Variants in GAS7 observed in about 807,000 individuals in gnomAD.
GAS7 encodes the protein growth arrest-specific protein 7.
A neutral mutation model predicts 71.1 loss-of-function variants in GAS7; 28 were observed. The ratio of observed to expected loss-of-function variants is 0.39; its 90% CI spans 0.29 to 0.54. The LOEUF (loss-of-function observed/expected upper bound fraction) is 0.54. GAS7 is among the 20% of genes least tolerant of loss of function. The pLI is 0.62. For missense variants in GAS7, 436 were observed against 627.8 expected, an observed-to-expected ratio of 0.69 and a Z score of 3.27; for synonymous variants, 258 against 245.8, an observed-to-expected ratio of 1.05 and a Z score of -0.46.
At chr17:10,047,824 C>A (rs1220409388) in intron 1 of GAS7, among the ~76,000 whole-genome samples, 3 of 151,960 alleles carry the variant, frequency 2.0e-5, no homozygotes, top group Non-Finnish European at 4.4e-5. Context: ...ACTTGCGGGG[C>A]TAACAGGAAA....
intron 1 of GAS7, among the ~76,000 whole-genome samples, chr17:10,068,591 TA>T (rs35892404): frequency 4.2e-3 from 597 of 140,766 alleles, no homozygotes; most frequent in Non-Finnish European, 3.7e-3. Context: ...CCCTGTCTCT[TA>T]AAAAAAAAAA....
intron 1 of GAS7, among the ~76,000 whole-genome samples, chr17:10,080,824 T>C (rs1833909878): frequency 6.6e-6 from 1 of 152,224 alleles, no homozygotes. Flanking sequence ...ACTTATTCCA[T>C]CAGATAGTAA....
In GAS7 at chr17:10,168,942, C is replaced by T. The variant is rs527727509; in HGVS notation, c.183+29266G>A. ...CCGAGATCACGCCACTGCACTCCAG[C>T]GTGGGCGACAGAGTGAGACTCCATC... On this transcript the variant is annotated intron_variant, in intron 1 of 13. Transcript: ENST00000432992. Among the ~76,000 whole-genome samples the T allele has an allele frequency of 3.2e-4, 46 of 142,082 alleles. No homozygotes were observed. The South Asian group carries it at 9.8e-3, about 30-fold the overall frequency. The allele number at this position is 142,082 out of a possible 152,430, so 93.2% of individuals were successfully genotyped here.
At chr17:10,105,053 C>T (rs1342729920) in intron 1 of GAS7, among the ~76,000 whole-genome samples, 1 of 152,216 alleles carries the variant, frequency 6.6e-6, no homozygotes, top group Non-Finnish European at 1.5e-5. Context: ...TCTGCTCTTC[C>T]CCTCCAGCCA....
intron 1 of GAS7, among the ~76,000 whole-genome samples, chr17:10,155,367 C>G (rs1309432079): frequency 5.9e-5 from 9 of 152,112 alleles, no homozygotes; most frequent in Non-Finnish European, 1.2e-4. Context: ...CAATTCCTCT[C>G]CCTCCACTTC....
intron 4 of GAS7, among the ~76,000 whole-genome samples, chr17:9,961,624 A>C (rs1173447113): frequency 6.6e-6 from 1 of 152,222 alleles, no homozygotes; most frequent in Admixed American, 6.5e-5. Context: ...GGGGAGAAGC[A>C]GTGCAAGAGC....
intron 1 of GAS7, among the ~76,000 whole-genome samples, chr17:10,093,228 CTTCT>C (rs1198041499): frequency 2.6e-5 from 4 of 152,148 alleles, no homozygotes; most frequent in Non-Finnish European, 5.9e-5. Context: ...GAAGCTGTTG[CTTCT>C]ATGAGTCCAT....
At chr17:10,173,370 CG>C (rs1189559565) in intron 1 of GAS7, among the ~76,000 whole-genome samples, 1 of 151,056 alleles carries the variant, frequency 6.6e-6, no homozygotes, top group Non-Finnish European at 1.5e-5. Flanking sequence ...GAAGGGGAGG[CG>C]GGGAAGAGGG....
intron 1 of GAS7, among the ~76,000 whole-genome samples, chr17:10,029,426 T>C (rs1445580278): frequency 6.6e-6 from 1 of 152,216 alleles, no homozygotes; most frequent in African/African-American, 2.4e-5. Flanking sequence ...GGATCCAGGC[T>C]GAACGCTGAA....
At chr17:10,154,280 C>T (rs1460056299) in intron 1 of GAS7, among the ~76,000 whole-genome samples, 1 of 152,142 alleles carries the variant, frequency 6.6e-6, no homozygotes, top group Non-Finnish European at 1.5e-5. Flanking sequence ...AGGAGGATCA[C>T]TTGAGCTCAG....
intron 1 of GAS7, among the ~76,000 whole-genome samples, chr17:10,095,551 G>C (rs1488925150): frequency 1.3e-5 from 2 of 152,212 alleles, no homozygotes; most frequent in East Asian, 1.9e-4. Flanking sequence ...CTTGGCCGCA[G>C]TGGCTCATGC....
At chr17:10,111,430 G>GTCTCA in intron 1 of GAS7, among the ~76,000 whole-genome samples, 1 of 152,288 alleles carries the variant, frequency 6.6e-6, no homozygotes, top group Admixed American at 6.5e-5. Flanking sequence ...CTACTTGGGA[G>GTCTCA]GCTGAGGCAG....
In GAS7 at chr17:10,103,067, C is replaced by G. The variant is rs561764628; in HGVS notation, c.184-83170G>C. 6.6e-6 allele frequency among the ~76,000 whole-genome samples: 1 copy of G among 152,048 alleles called. No homozygotes were observed. The highest frequency in any genetic ancestry group is 2.1e-4 in the South Asian group (1 of 4,822). ...ATGCAGAATCTGCATTTTAACAAAC[C>G]CTGACCGGACGTAGTGGCTCACACC... On this transcript the variant is annotated intron_variant, in intron 1 of 13. Transcript: ENST00000432992. The surrounding 1 kb of genome is among the most constrained non-coding windows in gnomAD (Gnocchi z 5.5).
chr17:10,181,220 C>T (rs913461609), intron 1 of GAS7, among the ~76,000 whole-genome samples: 30 of 151,644 alleles, frequency 2.0e-4, no homozygotes, highest in South Asian at 6.3e-4. Flanking sequence ...ATTAGCTGGG[C>T]GTGGTGGTGC....
At chr17:10,154,356 T>C (rs1418477718) in intron 1 of GAS7, among the ~76,000 whole-genome samples, 3 of 151,788 alleles carry the variant, frequency 2.0e-5, no homozygotes, top group Non-Finnish European at 4.4e-5. Flanking sequence ...ATTAAAAATT[T>C]AGCCAGGCAT....
At chr17:10,114,768 C>T (rs533588356) in intron 1 of GAS7, among the ~76,000 whole-genome samples, 8 of 151,828 alleles carry the variant, frequency 5.3e-5, no homozygotes, top group Admixed American at 1.3e-4. Flanking sequence ...CCACAGAGAT[C>T]GCATTTTTCC....
intron 1 of GAS7, among the ~76,000 whole-genome samples, chr17:10,162,999 T>C (rs1039168273): frequency 6.6e-6 from 1 of 152,176 alleles, no homozygotes; most frequent in South Asian, 2.1e-4. Context: ...TAAATTTTGT[T>C]ATATGTGATT....
intron 1 of GAS7, among the ~76,000 whole-genome samples, chr17:10,128,094 G>A (rs977107444): frequency 3.9e-5 from 6 of 152,190 alleles, no homozygotes; most frequent in East Asian, 1.9e-4. Context: ...GCCCTACCCC[G>A]GCTGGGGCCC....
chr17:10,104,852 T>C (rs2142058123), intron 1 of GAS7, among the ~76,000 whole-genome samples: 1 of 152,316 alleles, frequency 6.6e-6, no homozygotes, highest in Non-Finnish European at 1.5e-5. Flanking sequence ...TTGTTCCACT[T>C]TTCATCCCCT....
Sources: allele counts gnomAD v4.1 joint callset (sites outside exome capture counted in the v4.1 genomes callset), GRCh38; gene constraint gnomAD v4.1.1; non-coding constraint Gnocchi (gnomAD v3.1); transcripts MANE v1.5; gene names NCBI Gene and HGNC (gene_info 2026-07-23, HGNC 2026-07-21).